Variants in IL1RAPL1 observed in about 807,000 individuals in gnomAD.
The protein encoded by IL1RAPL1 is interleukin 1 receptor accessory protein like 1.
IL1RAPL1 carries 3 observed loss-of-function variants against 48.4 expected under a neutral mutation model. That is an observed-to-expected ratio of 0.06 (90% confidence interval 0.03 to 0.16). IL1RAPL1 has a LOEUF of 0.16. IL1RAPL1 is among the 10% of genes least tolerant of loss of function. The pLI is 1.00. For synonymous variants in IL1RAPL1, 185 were observed against 187.7 expected, an observed-to-expected ratio of 0.99 and a Z score of 0.12; for missense variants, 349 against 530.6, an observed-to-expected ratio of 0.66 and a Z score of 3.36.
At chrX:28,760,766 A>G (rs1569166501) in intron 1 of IL1RAPL1, among the ~76,000 whole-genome samples, 1 of 111,196 alleles carries the variant, frequency 9.0e-6, no homozygotes, top group Non-Finnish European at 1.9e-5. Flanking sequence ...ACCACCTCAC[A>G]TTATCCAGAA....
chrX:29,313,253 CTGTGTGTGTGTGTG>C (rs35894909), intron 3 of IL1RAPL1, among the ~76,000 whole-genome samples: 3 of 90,797 alleles, frequency 3.3e-5, no homozygotes, highest in East Asian at 6.5e-4. Flanking sequence ...ACATACAAGC[CTGTGTGTGTGTGTG>C]TGTGTGTGTG....
At chrX:28,588,427 C>T (rs1488182109) in intron 1 of IL1RAPL1, among the ~76,000 whole-genome samples, 1 of 111,568 alleles carries the variant, frequency 9.0e-6, no homozygotes, top group East Asian at 2.8e-4. Flanking sequence ...GAAGGGGTAG[C>T]AGCAGTAAAA....
At chrX:28,738,674 C>T (rs1038808582) in intron 1 of IL1RAPL1, among the ~76,000 whole-genome samples, 2 of 111,293 alleles carry the variant, frequency 1.8e-5, no homozygotes, top group African/African-American at 3.3e-5. Context: ...AAGGCTTGTG[C>T]GGCTGCAGTA....
intron 5 of IL1RAPL1, among the ~76,000 whole-genome samples, chrX:29,628,537 A>G (rs1924679547): frequency 8.9e-6 from 1 of 111,792 alleles, no homozygotes; most frequent in African/African-American, 3.3e-5. Context: ...TCACTATGCA[A>G]CTTGGAAATA....
intron 2 of IL1RAPL1, among the ~76,000 whole-genome samples, chrX:28,834,464 A>G (rs191883033): frequency 1.5e-3 from 169 of 110,795 alleles, no homozygotes; most frequent in African/African-American, 5.4e-3. Context: ...TCAGGCTATG[A>G]TTTTTCAAAA....
intron 2 of IL1RAPL1, among the ~76,000 whole-genome samples, chrX:29,240,224 AT>A (rs55639151): frequency 3.7e-4 from 5 of 13,337 alleles, no homozygotes; most frequent in East Asian, 3.5e-3. Flanking sequence ...ATATATATAT[AT>A]TTTTTTTTTT....
At chrX:29,899,497 A>C (rs368386633) in intron 6 of IL1RAPL1, among the ~76,000 whole-genome samples, 26 of 110,533 alleles carry the variant, frequency 2.4e-4, no homozygotes, top group Non-Finnish European at 4.5e-4. Context: ...AAGAACTCTG[A>C]GAGACGTAGC....
intron 5 of IL1RAPL1, among the ~76,000 whole-genome samples, chrX:29,472,686 C>T (rs1392294040): frequency 2.7e-5 from 3 of 111,897 alleles, no homozygotes; most frequent in Non-Finnish European, 5.6e-5. Flanking sequence ...CCAAAGTCTA[C>T]ACATACTCCC....
At chrX:29,321,616 C>T (rs1430052109) in intron 3 of IL1RAPL1, among the ~76,000 whole-genome samples, 2 of 111,740 alleles carry the variant, frequency 1.8e-5, no homozygotes, top group African/African-American at 6.5e-5. Context: ...TTAGAATTAT[C>T]AAAAGGAGGT....
At chrX:28,897,544 A>C (rs1434656054) in intron 2 of IL1RAPL1, among the ~76,000 whole-genome samples, 1 of 112,002 alleles carries the variant, frequency 8.9e-6, no homozygotes, top group Non-Finnish European at 1.9e-5. Flanking sequence ...GAAGAGAATA[A>C]AAAGAGGCCA....
intron 5 of IL1RAPL1, among the ~76,000 whole-genome samples, chrX:29,491,555 G>A (rs1365112792): frequency 8.9e-6 from 1 of 112,088 alleles, no homozygotes; most frequent in African/African-American, 3.2e-5. Context: ...GTGCTCATTT[G>A]CCTACAATTA....
intron 2 of IL1RAPL1, among the ~76,000 whole-genome samples, chrX:28,942,720 A>G (rs1398854203): frequency 9.1e-6 from 1 of 109,342 alleles, no homozygotes; most frequent in Non-Finnish European, 1.9e-5. Flanking sequence ...GAGGCATCAG[A>G]TGAAAGAGAA....
At chrX:29,218,310 A>G (rs904384651) in intron 2 of IL1RAPL1, among the ~76,000 whole-genome samples, 5 of 112,001 alleles carry the variant, frequency 4.5e-5, no homozygotes, top group Non-Finnish European at 9.4e-5. Flanking sequence ...TGACCATGCT[A>G]GCTATTTCTT....
intron 6 of IL1RAPL1, among the ~76,000 whole-genome samples, chrX:29,752,563 T>A (rs1429560568): frequency 9.1e-6 from 1 of 109,477 alleles, no homozygotes; most frequent in Non-Finnish European, 1.9e-5. Flanking sequence ...TCAAATCCAC[T>A]TCCTTAAATA....
chrX:29,818,601 TAAG>T (rs940546721), intron 6 of IL1RAPL1, among the ~76,000 whole-genome samples: 3 of 112,063 alleles, frequency 2.7e-5, no homozygotes, highest in African/African-American at 9.7e-5. Flanking sequence ...ATAAGGAAGA[TAAG>T]AAGTCACTTA....
intron 2 of IL1RAPL1, among the ~76,000 whole-genome samples, chrX:29,076,683 T>A (rs1292600819): frequency 9.0e-6 from 1 of 111,224 alleles, no homozygotes; most frequent in Admixed American, 9.6e-5. Flanking sequence ...CCATAGGTCA[T>A]AAACCTCATT....
chrX:28,719,105 A>G (rs1357477640), intron 1 of IL1RAPL1, among the ~76,000 whole-genome samples: 1 of 111,198 alleles, frequency 9.0e-6, no homozygotes, highest in Non-Finnish European at 1.9e-5. Flanking sequence ...TAAAAAGGAT[A>G]TATATGCATC....
intron 1 of IL1RAPL1, among the ~76,000 whole-genome samples, chrX:28,697,392 A>G (rs1375041594): frequency 2.7e-5 from 3 of 111,104 alleles, no homozygotes; most frequent in Non-Finnish European, 5.7e-5. Context: ...TGTCTGTTTT[A>G]GGCATCTACC....
chrX:29,200,497 T>G (rs1288905078), intron 2 of IL1RAPL1, among the ~76,000 whole-genome samples: 8 of 112,173 alleles, frequency 7.1e-5, no homozygotes, highest in Admixed American at 4.8e-4. Flanking sequence ...CATTTCAAAT[T>G]TTAGCAGATT....
Sources: gnomAD v4.1 joint callset for allele counts (sites outside exome capture counted in the v4.1 genomes callset) on GRCh38, gnomAD v4.1.1 for gene constraint, MANE v1.5 for transcripts, NCBI Gene and HGNC (gene_info 2026-07-23, HGNC 2026-07-21) for gene names.